The following ZNF254 variants were observed in gnomAD, a reference collection of about 807,000 sequenced individuals.
The protein encoded by ZNF254 is zinc finger protein 254.
Under a neutral mutation model 12.4 loss-of-function variants are expected in ZNF254, and 10 were observed. The ratio of observed to expected loss-of-function variants is 0.80; its 90% CI spans 0.50 to 1.36. The LOEUF (loss-of-function observed/expected upper bound fraction) is 1.36. Ranked by LOEUF, ZNF254 falls within the 40% of genes most tolerant of loss-of-function variation. The pLI is 0.00. For synonymous variants in ZNF254, 305 were observed against 253.4 expected, an observed-to-expected ratio of 1.20 and a Z score of -1.93; for missense variants, 996 against 763.9, an observed-to-expected ratio of 1.30 and a Z score of -3.58.
chr19:24,096,698 G>C (rs879746321), intron 1 of ZNF254, among the ~76,000 whole-genome samples: 21 of 152,146 alleles, frequency 1.4e-4, no homozygotes, highest in South Asian at 4.1e-4. Context: ...GTAGACTTTA[G>C]GTCCTAATGT....
At chr19:24,071,572 T>C (rs1971482218) in intron 2 of ZNF254, among the ~76,000 whole-genome samples, 1 of 152,250 alleles carries the variant, frequency 6.6e-6, no homozygotes, top group African/African-American at 2.4e-5. Flanking sequence ...GACATACCTC[T>C]GAAGCTCTAA....
At chr19:24,110,601 T>C (rs551023540) in intron 3 of ZNF254, among the ~76,000 whole-genome samples, 1 of 152,238 alleles carries the variant, frequency 6.6e-6, no homozygotes, top group South Asian at 2.1e-4. Context: ...GCATGTTAAC[T>C]ATATTCACAT....
At chr19:24,091,187 C>T (rs1195562086) in intron 1 of ZNF254, among the ~76,000 whole-genome samples, 3 of 151,530 alleles carry the variant, frequency 2.0e-5, no homozygotes, top group Non-Finnish European at 4.4e-5. Flanking sequence ...TCGGGTGATC[C>T]GCCCGCCTGG....
chr19:24,048,483 G>A (rs993626555), intron 2 of ZNF254, among the ~76,000 whole-genome samples: 3 of 152,162 alleles, frequency 2.0e-5, no homozygotes, highest in African/African-American at 7.2e-5. Flanking sequence ...GATGGTTCTC[G>A]CCAGTGCAGT....
At chr19:24,057,158 C>T (rs1035048777) in intron 2 of ZNF254, among the ~76,000 whole-genome samples, 2 of 152,308 alleles carry the variant, frequency 1.3e-5, no homozygotes, top group Middle Eastern at 3.4e-3. Context: ...AGTGTCATAA[C>T]GGCTCTAGAA....
At chr19:24,050,733 C>T (rs1213881603) in intron 2 of ZNF254, among the ~76,000 whole-genome samples, 1 of 152,156 alleles carries the variant, frequency 6.6e-6, no homozygotes, top group Non-Finnish European at 1.5e-5. Context: ...CTTGGCCAAG[C>T]ACCTACATTG....
chr19:24,088,741 C>G (rs994984230), intron 1 of ZNF254, among the ~76,000 whole-genome samples: 6 of 152,006 alleles, frequency 3.9e-5, no homozygotes, highest in Non-Finnish European at 7.4e-5. Flanking sequence ...ACTGCAACCT[C>G]TGCCTTATGG....
chr19:24,123,476 A>G (rs1974624066), intron 3 of ZNF254, among the ~76,000 whole-genome samples: 1 of 152,012 alleles, frequency 6.6e-6, no homozygotes, highest in Non-Finnish European at 1.5e-5. Flanking sequence ...TTCTTGTTTT[A>G]TTTTTATTAC....
intron 3 of ZNF254, among the ~76,000 whole-genome samples, chr19:24,108,852 G>A (rs1973490961): frequency 6.6e-6 from 1 of 152,118 alleles, no homozygotes; most frequent in African/African-American, 2.4e-5. Context: ...TTAGTATGCA[G>A]GCAGGCAAAA....
At chr19:24,090,084 G>T (rs1045931434) in intron 1 of ZNF254, among the ~76,000 whole-genome samples, 2 of 150,698 alleles carry the variant, frequency 1.3e-5, no homozygotes, top group African/African-American at 4.9e-5. Flanking sequence ...TGTAATCGCA[G>T]CTACTCAGGA....
At chr19:24,051,360 A>G (rs1317864602) in intron 2 of ZNF254, among the ~76,000 whole-genome samples, 1 of 151,842 alleles carries the variant, frequency 6.6e-6, no homozygotes, top group Non-Finnish European at 1.5e-5. Context: ...AAGTTTCACC[A>G]TGTTGGCCAG....
chr19:24,121,284 A>G (rs1266200967), intron 3 of ZNF254, among the ~76,000 whole-genome samples: 1 of 152,030 alleles, frequency 6.6e-6, no homozygotes, highest in Non-Finnish European at 1.5e-5. Flanking sequence ...ACCTTAATGA[A>G]TATATTGATC....
rs755466752 is a variant in ZNF254 at position 24,126,257 on chromosome 19, T to C, written c.257T>C (p.Met86Thr). 3.4e-6 allele frequency: 5 copies of C among 1,470,764 alleles called. No homozygotes were observed. Among genetic ancestry groups the C allele is most frequent in the Non-Finnish European group, 4.5e-6 (5 of 1,111,102 alleles). The allele number at this position is 1,470,764 out of a possible 1,614,324, so 91.1% of individuals were successfully genotyped here. The change falls in exon 4 of 4, where the codon ATG becomes ACG. Residue 86 changes from methionine (M) to threonine (T), a missense_variant. Coordinates refer to ENST00000357002, the MANE Select transcript of ZNF254 (RefSeq NM_203282.4). ...TTTATTTTTATTTTTTTTTCAGGTA[T>C]GTGTCCTCATTTTGCTCAAGACCTT... ...RHEMVDEPPG[M>T]CPHFAQDLWP... is the part of the protein sequence containing the mutation.
chr19:24,114,037 C>G (rs1284668485), intron 3 of ZNF254, among the ~76,000 whole-genome samples: 11 of 151,598 alleles, frequency 7.3e-5, no homozygotes, highest in African/African-American at 9.7e-5. Context: ...AGGATACAAA[C>G]AAATGGAAGA....
At chr19:24,048,990 G>A (rs889224267) in intron 2 of ZNF254, 6 of 151,704 alleles carry the variant, frequency 4.0e-5, no homozygotes, top group Admixed American at 1.3e-4. Flanking sequence ...ACGGTCAAGC[G>A]ATCTGCTGGC....
At chr19:24,112,724 A>T (rs1973765809) in intron 3 of ZNF254, among the ~76,000 whole-genome samples, 1 of 152,156 alleles carries the variant, frequency 6.6e-6, no homozygotes, top group African/African-American at 2.4e-5. Context: ...TATGAATGGG[A>T]GTTCACTCAT....
At chr19:24,088,938 T>TGA (rs1178018360) in intron 1 of ZNF254, among the ~76,000 whole-genome samples, 7 of 148,858 alleles carry the variant, frequency 4.7e-5, no homozygotes, top group Non-Finnish European at 1.0e-4. Flanking sequence ...ATTACAGACG[T>TGA]GAGCCATCTC....
At chr19:24,060,548 A>G (rs1269134800) in intron 2 of ZNF254, among the ~76,000 whole-genome samples, 3 of 152,186 alleles carry the variant, frequency 2.0e-5, no homozygotes, top group African/African-American at 7.2e-5. Context: ...GGCTTTGCCA[A>G]TAGTAGAGCT....
At chr19:24,113,555 A>G (rs1359403482) in intron 3 of ZNF254, among the ~76,000 whole-genome samples, 2 of 152,228 alleles carry the variant, frequency 1.3e-5, no homozygotes, top group Non-Finnish European at 2.9e-5. Context: ...AGAGCTATCT[A>G]TGCCAAACCC....
Sources: gnomAD v4.1 joint callset for allele counts (sites outside exome capture counted in the v4.1 genomes callset) on GRCh38, gnomAD v4.1.1 for gene constraint, MANE v1.5 for transcripts, NCBI Gene and HGNC (gene_info 2026-07-23, HGNC 2026-07-21) for gene names.